ACSM3: variants seen among roughly 807,000 people sequenced by gnomAD.
The protein encoded by ACSM3 is acyl-CoA synthetase medium chain family member 3.
A neutral mutation model predicts 74.1 loss-of-function variants in ACSM3; 61 were observed. The observed-to-expected ratio is 0.82, with a 90% CI of 0.67 to 1.02. The LOEUF (loss-of-function observed/expected upper bound fraction) is 1.02, where lower values mean the gene tolerates loss of function less well. Among genes scored for constraint, ACSM3 ranks in the 50% least tolerant of loss-of-function variants. The probability of loss-of-function intolerance (pLI) is 0.00; values close to 1 mark genes in which losing one functional copy is unlikely to be tolerated. For synonymous variants in ACSM3, 213 were observed against 241.5 expected, an observed-to-expected ratio of 0.88 and a Z score of 1.09; for missense variants, 660 against 697.0, an observed-to-expected ratio of 0.95 and a Z score of 0.60.
chr16:20,682,820 A>G (rs1423495434), intron 1 of ACSM3, among the ~76,000 whole-genome samples: 1 of 152,222 alleles, frequency 6.6e-6, no homozygotes, highest in Non-Finnish European at 1.5e-5. Context: ...CTCTGACATC[A>G]AGAATAGCTG....
intron 1 of ACSM3, among the ~76,000 whole-genome samples, chr16:20,700,989 C>T (rs1245158221): frequency 2.6e-5 from 4 of 151,886 alleles, no homozygotes; most frequent in Non-Finnish European, 5.9e-5. Flanking sequence ...GGTAAGCAGA[C>T]GGATATGGGA....
intron 1 of ACSM3, among the ~76,000 whole-genome samples, chr16:20,731,296 C>T (rs1431011798): frequency 6.6e-6 from 1 of 152,098 alleles, no homozygotes; most frequent in Non-Finnish European, 1.5e-5. Flanking sequence ...GGTATAGATT[C>T]GAAGGAGTAA....
At chr16:20,709,106 T>G (rs1202759744) in intron 1 of ACSM3, among the ~76,000 whole-genome samples, 1 of 152,190 alleles carries the variant, frequency 6.6e-6, no homozygotes, top group Admixed American at 6.5e-5. Context: ...GTTGTGCACA[T>G]GTACCCAAAG....
At chr16:20,792,168 C>A (rs1158596406) in intron 11 of ACSM3, 39 bp downstream of exon 11, 2 of 1,613,928 alleles carry the variant, frequency 1.2e-6, no homozygotes, top group Admixed American at 1.7e-5. Context: ...TCTGTGTTAA[C>A]TGATCATCAG....
intron 4 of ACSM3, among the ~76,000 whole-genome samples, chr16:20,779,522 C>T (rs534653489): frequency 6.6e-6 from 1 of 152,006 alleles, no homozygotes; most frequent in East Asian, 1.9e-4. Flanking sequence ...CATTCTCAAC[C>T]CCACATGCCT....
At chr16:20,764,277 T>C (rs186620271) in intron 1 of ACSM3, among the ~76,000 whole-genome samples, 152 bp downstream of exon 1, 3 of 152,362 alleles carry the variant, frequency 2.0e-5, no homozygotes, top group Admixed American at 1.3e-4. Flanking sequence ...AATTTCTCAG[T>C]TGTGTGATAC....
At chr16:20,780,435 A>C in intron 4 of ACSM3, 1 of 603,956 alleles carries the variant, frequency 1.7e-6, no homozygotes, top group Non-Finnish European at 2.8e-6. Flanking sequence ...TAAAAATCTC[A>C]AGTTTTAAAA....
rs1310280617 is a variant in ACSM3, at chr16:20,790,230, T to G, written c.1225-357T>G. ...ACTTTGGGAGGCCAAGGCTGGAATA[T>G]CACTGGAAGCCAGGAACCAGCCTGG... On this transcript the variant is annotated intron_variant, in intron 9 of 13. Transcript: ENST00000289416. This position sits in a 1 kb window ranked among gnomAD's most constrained non-coding sequence, Gnocchi z 4.0. 6.6e-6 allele frequency among the ~76,000 whole-genome samples: 1 copy of G among 152,116 alleles called. No individual in the cohort carries two copies. The highest frequency in any genetic ancestry group is 2.4e-5 in the African/African-American group (1 of 41,412).
intron 9 of ACSM3, among the ~76,000 whole-genome samples, chr16:20,787,151 T>A (rs1436659530): frequency 6.6e-6 from 1 of 152,226 alleles, no homozygotes; most frequent in Non-Finnish European, 1.5e-5. Context: ...TAACACTAAT[T>A]TGGACACTCC....
intron 1 of ACSM3, among the ~76,000 whole-genome samples, chr16:20,768,872 T>C (rs1018626005): frequency 3.3e-5 from 5 of 152,160 alleles, no homozygotes; most frequent in African/African-American, 1.2e-4. Context: ...GGGCTCAAGA[T>C]CACTGACTTG....
intron 12 of ACSM3, among the ~76,000 whole-genome samples, chr16:20,795,004 C>T (rs866858224): frequency 1.3e-5 from 2 of 152,186 alleles, no homozygotes; most frequent in South Asian, 4.1e-4. Flanking sequence ...GAATGACTCA[C>T]TTACAACAAG....
At position 20,786,172 on chromosome 16, in the gene ACSM3, C is replaced by G. The variant is rs748808411; in HGVS notation, c.1224+14C>G. The G allele has an allele frequency of 6.2e-7, 1 of 1,608,376 alleles. No individual in the cohort carries two copies. Among genetic ancestry groups the G allele is most frequent in the Non-Finnish European group, 8.5e-7 (1 of 1,177,432 alleles). On this transcript the variant is annotated intron_variant, in intron 9 of 13. Transcript: ENST00000289416. ...TTCGATGTTAAGGTTTGCACATCCCCTTCCAGGAGAATGTTTAACAACCCA... is the reference window on the plus strand; with the variant it reads ...TTCGATGTTAAGGTTTGCACATCCCGTTCCAGGAGAATGTTTAACAACCCA...
At chr16:20,722,886 CT>C (rs1256943057) in intron 1 of ACSM3, among the ~76,000 whole-genome samples, 1 of 152,062 alleles carries the variant, frequency 6.6e-6, no homozygotes, top group Non-Finnish European at 1.5e-5. Context: ...TATTTGTTTT[CT>C]TTTTATTAGT....
intron 4 of ACSM3, among the ~76,000 whole-genome samples, chr16:20,778,262 T>C (rs2080280041): frequency 6.6e-6 from 1 of 152,234 alleles, no homozygotes; most frequent in Admixed American, 6.5e-5. Context: ...CATGGGTTAC[T>C]TGGAACTCTT....
chr16:20,796,025 C>A (rs2080715583), intron 12 of ACSM3: 1 of 175,912 alleles, frequency 5.7e-6, no homozygotes, highest in Admixed American at 6.2e-5. Flanking sequence ...AAAAAAATAG[C>A]TGCTGGAATC....
At chr16:20,694,860 AGAG>A (rs748840577) in intron 1 of ACSM3, among the ~76,000 whole-genome samples, 2 of 152,204 alleles carry the variant, frequency 1.3e-5, no homozygotes, top group East Asian at 3.8e-4. Flanking sequence ...CCTTATAAAA[AGAG>A]GAGATTAGGA....
chr16:20,741,887 T>A lies in ACSM3; in HGVS notation c.-189-8023T>A, dbSNP rs1401102459. The A allele has an allele frequency of 2.0e-6, 3 of 1,534,664 alleles. No individual in the cohort carries two copies. The South Asian group carries it at 3.6e-5, about 18-fold the overall frequency. On this transcript the variant is annotated intron_variant, in intron 1 of 3. Transcript: ENST00000561584. ...CCTCATTCCGTGCTGCGCCAGGTCC[T>A]AAGGCCGGTCTGCAATCGTGAAAGG...
chr16:20,714,941 C>T (rs771864910), intron 1 of ACSM3, among the ~76,000 whole-genome samples: 1 of 152,150 alleles, frequency 6.6e-6, no homozygotes, highest in Non-Finnish European at 1.5e-5. Flanking sequence ...CTGCTTGTCA[C>T]TCACAGATTG....
At chr16:20,688,468 G>A (rs1184502807) in intron 1 of ACSM3, among the ~76,000 whole-genome samples, 1 of 152,110 alleles carries the variant, frequency 6.6e-6, no homozygotes, top group Non-Finnish European at 1.5e-5. Flanking sequence ...TAAACCTCAA[G>A]TAGAATAAAT....
Sources: allele counts gnomAD v4.1 joint callset (sites outside exome capture counted in the v4.1 genomes callset), GRCh38; gene constraint gnomAD v4.1.1; non-coding constraint Gnocchi (gnomAD v3.1); transcripts MANE v1.5; gene names NCBI Gene and HGNC (gene_info 2026-07-23, HGNC 2026-07-21).